The following EFHD1 variants were observed in gnomAD, a reference collection of about 807,000 sequenced individuals.
The protein encoded by EFHD1 is EF-hand domain family member D1, also known as EF-hand domain-containing protein D1.
Under a neutral mutation model 17.2 loss-of-function variants are expected in EFHD1, and 10 were observed. The ratio of observed to expected loss-of-function variants is 0.58; its 90% confidence interval spans 0.36 to 0.99. The LOEUF is 0.99. Among genes scored for constraint, EFHD1 ranks in the 50% least tolerant of loss-of-function variants. EFHD1 has a pLI of 0.01. For synonymous variants in EFHD1, 153 were observed against 142.0 expected (o/e 1.08, Z -0.55); for missense variants, 310 against 327.5 (o/e 0.95, Z 0.41).
At chr2:232,631,523 C>T (rs1316983047), upstream of EFHD1, among the ~76,000 whole-genome samples, 2 of 151,252 alleles carry the variant, frequency 1.3e-5, no homozygotes, top group Non-Finnish European at 2.9e-5. Context: ...GTTGCCCAAG[C>T]TGGTCTCAAA....
At chr2:232,641,322 C>T (rs935348222) in intron 1 of EFHD1, among the ~76,000 whole-genome samples, 5 of 152,154 alleles carry the variant, frequency 3.3e-5, no homozygotes, top group Non-Finnish European at 7.4e-5. Context: ...CATGAGCCAC[C>T]GCACCTGGCC....
At position 232,633,836 on chromosome 2, in the gene EFHD1, C is replaced by G; in HGVS notation, c.132C>G (p.Ala44=). Residue 44 remains alanine (A), a synonymous_variant, in exon 1 of 4, where the codon GCC becomes GCG. Transcript: ENST00000264059. ...PEPKPEPEPP[A]RAPTASADAE... ...CCAAGCCCGAGCCCGAGCCTCCCGC[C>G]CGTGCGCCCACGGCCAGCGCCGACG... The G allele has an allele frequency of 6.7e-7, 1 of 1,485,078 alleles. No homozygotes were observed. 92.0% of individuals were successfully genotyped at this position (1,485,078 alleles called of 1,614,324 possible).
intron 1 of EFHD1, among the ~76,000 whole-genome samples, chr2:232,634,582 G>C (rs546836015): frequency 9.8e-5 from 15 of 152,296 alleles, no homozygotes; most frequent in African/African-American, 1.9e-4. Flanking sequence ...GCGCGGGGAG[G>C]GGGGGCGGTT....
At chr2:232,668,904 G>A (rs557856187) in intron 2 of EFHD1, among the ~76,000 whole-genome samples, 2 of 152,170 alleles carry the variant, frequency 1.3e-5, no homozygotes, top group Non-Finnish European at 2.9e-5. Context: ...AAAATGCTGA[G>A]ATTACAGGTG....
At chr2:232,674,049 C>T (rs961027721) in intron 3 of EFHD1, among the ~76,000 whole-genome samples, 4 of 152,110 alleles carry the variant, frequency 2.6e-5, no homozygotes, top group Non-Finnish European at 4.4e-5. Context: ...GCTGGGCCTA[C>T]AGGCGCCCAC....
In EFHD1 at chr2:232,656,904, G is replaced by A. The variant is rs62191640; in HGVS notation, c.303-5898G>A. Among the ~76,000 whole-genome samples, 456 of 152,160 alleles carry A rather than the reference G, an allele frequency of 3.0e-3. 1 individual carries two copies. Among genetic ancestry groups the A allele is most frequent in the Non-Finnish European group, 5.5e-3 (376 of 68,022 alleles). On this transcript the variant is annotated intron_variant, in intron 1 of 3. Transcript: ENST00000264059. The stretch of plus-strand genomic sequence containing the variant: ...AGTGATCCTCCCCCTTCAGCCTCCC[G>A]AGTAGCTGGGACCGCAGATGTGGGC...
chr2:232,628,513 G>GT (rs1274993423), intron 1 of EFHD1, among the ~76,000 whole-genome samples: 4 of 152,172 alleles, frequency 2.6e-5, no homozygotes, highest in Non-Finnish European at 5.9e-5. Context: ...CAGCCCTGGG[G>GT]TTTTGCTCTT....
chr2:232,620,622 T>G lies in EFHD1; in HGVS notation c.14+14449T>G, dbSNP rs372167931. 3.0e-4 allele frequency among the ~76,000 whole-genome samples: 45 copies of G among 152,190 alleles called. No individual in the cohort carries two copies. The East Asian group carries it at 3.1e-3, about 11-fold the overall frequency. On this transcript the variant is annotated intron_variant, in intron 1 of 3. Transcript: ENST00000409613. ...GGCCTTATTATTGTTTTGTAAGAGCTTCCCTTTCCTTTAAGATTCTGGATA... is the reference window on the plus strand; with the variant it reads ...GGCCTTATTATTGTTTTGTAAGAGCGTCCCTTTCCTTTAAGATTCTGGATA...
At chr2:232,675,265 GA>G (rs750627625) in intron 3 of EFHD1, among the ~76,000 whole-genome samples, 2 of 143,470 alleles carry the variant, frequency 1.4e-5, no homozygotes, top group African/African-American at 2.5e-5. Flanking sequence ...GAAAAGAAAA[GA>G]AAAGAAAGAA....
chr2:232,622,963 TA>T (rs1252454250), intron 1 of EFHD1, among the ~76,000 whole-genome samples: 2 of 152,224 alleles, frequency 1.3e-5, no homozygotes, highest in African/African-American at 2.4e-5. Flanking sequence ...TAAATGTTAT[TA>T]AAATTAATTT....
upstream of EFHD1, chr2:232,633,559 T>C: frequency 1.6e-6 from 2 of 1,285,692 alleles, no homozygotes; most frequent in East Asian, 3.2e-5. Context: ...CGCCCGCCAG[T>C]CCGTCCTCAG....
intron 1 of EFHD1, chr2:232,638,246 G>A (rs1207289917): frequency 7.0e-6 from 3 of 429,588 alleles, no homozygotes; most frequent in African/African-American, 6.2e-5. Context: ...CTTTCAAAGG[G>A]AGGCAATGAG....
chr2:232,650,179 TG>T (rs1222522136), intron 1 of EFHD1: 1 of 150,734 alleles, frequency 6.6e-6, no homozygotes, highest in Non-Finnish European at 1.5e-5. Flanking sequence ...TGAAAGGAAC[TG>T]AGAAAATGGA....
intron 1 of EFHD1, among the ~76,000 whole-genome samples, chr2:232,609,309 C>T (rs1259029333): frequency 1.3e-5 from 2 of 152,132 alleles, no homozygotes; most frequent in South Asian, 2.1e-4. Flanking sequence ...GATCTGCCTG[C>T]TTCAGCCTCC....
intron 1 of EFHD1, chr2:232,649,926 G>T (rs4973548): frequency 0.65 from 98,175 of 151,538 alleles, 32,823 homozygotes; most frequent in African/African-American, 0.81. Flanking sequence ...GGGCTTTCTG[G>T]GGTCTGTGCC....
Position 232,642,532 on chromosome 2 carries a change from C to A in EFHD1, c.302+8526C>A, listed in dbSNP as rs539675929. On this transcript the variant is annotated intron_variant, in intron 1 of 3. Transcript: ENST00000264059. Reference sequence around the variant, plus strand: ...TTGCACTCTCACACCTGCTGGGAGACCTTGCTTTTCAAGGGGGTGTACAGC... The same window carrying A: ...TTGCACTCTCACACCTGCTGGGAGAACTTGCTTTTCAAGGGGGTGTACAGC... Among the ~76,000 whole-genome samples the A allele has an allele frequency of 3.3e-5, 5 of 152,190 alleles. No homozygotes were observed. In the South Asian group the frequency reaches 8.3e-4, roughly 25 times the overall value.
At chr2:232,676,116 A>G (rs1045480501) in intron 3 of EFHD1, among the ~76,000 whole-genome samples, 4 of 152,054 alleles carry the variant, frequency 2.6e-5, no homozygotes, top group Admixed American at 2.0e-4. Flanking sequence ...CAGAGGTTGC[A>G]GTGAGCCGAG....
intron 1 of EFHD1, among the ~76,000 whole-genome samples, chr2:232,650,866 G>C (rs1694639703): frequency 6.6e-6 from 1 of 152,084 alleles, no homozygotes; most frequent in African/African-American, 2.4e-5. Context: ...ACCACACCTG[G>C]TCTATTCTGG....
chr2:232,638,363 G>C (rs951620619), intron 1 of EFHD1: 2 of 471,056 alleles, frequency 4.2e-6, no homozygotes, highest in African/African-American at 4.0e-5. Context: ...GAGAGGGTGG[G>C]AAGAGGAACA....
Sources: gnomAD v4.1 joint callset for allele counts (sites outside exome capture counted in the v4.1 genomes callset) on GRCh38, gnomAD v4.1.1 for gene constraint, MANE v1.5 for transcripts, NCBI Gene and HGNC (gene_info 2026-07-23, HGNC 2026-07-21) for gene names.